CRISPLD2: variants seen among roughly 807,000 people sequenced by gnomAD.
CRISPLD2 encodes cysteine-rich secretory protein LCCL domain-containing 2.
A neutral mutation model predicts 71.1 loss-of-function variants in CRISPLD2; 47 were observed. The observed-to-expected ratio is 0.66, with a 90% CI of 0.52 to 0.84. CRISPLD2 has a LOEUF of 0.84. Ranked by LOEUF, CRISPLD2 falls within the 40% of genes least tolerant of loss-of-function variation. The pLI is 0.00. For synonymous variants in CRISPLD2, 317 were observed against 250.1 expected, an observed-to-expected ratio of 1.27 and a Z score of -2.52; for missense variants, 830 against 651.1, an observed-to-expected ratio of 1.27 and a Z score of -2.99.
At chr16:84,855,356 C>G (rs1468107156) in intron 6 of CRISPLD2, among the ~76,000 whole-genome samples, 1 of 152,134 alleles carries the variant, frequency 6.6e-6, no homozygotes, top group Non-Finnish European at 1.5e-5. Context: ...AGGCCATCTG[C>G]AAGTTGAGGA....
At chr16:84,835,737 C>G (rs1916602714) in intron 1 of CRISPLD2, among the ~76,000 whole-genome samples, 2 of 152,258 alleles carry the variant, frequency 1.3e-5, no homozygotes, top group African/African-American at 2.4e-5. Flanking sequence ...GACTTCATAA[C>G]TTCTCTTTGG....
At chr16:84,865,165 T>TC (rs946699713) in intron 6 of CRISPLD2, among the ~76,000 whole-genome samples, 71 of 150,176 alleles carry the variant, frequency 4.7e-4, no homozygotes, top group African/African-American at 1.5e-3. Context: ...GATTTTTTTT[T>TC]TTTTTTTTGA....
At chr16:84,836,018 G>A (rs565723540) in intron 1 of CRISPLD2, among the ~76,000 whole-genome samples, 5 of 152,274 alleles carry the variant, frequency 3.3e-5, no homozygotes, top group East Asian at 3.9e-4. Context: ...CTGAAGCCAC[G>A]TGTGGAAAAT....
At position 84,906,656 on chromosome 16, in the gene CRISPLD2, G is replaced by A. The variant is rs879115641; in HGVS notation, c.*14G>A. On this transcript the variant is annotated 3_prime_UTR_variant, in exon 15 of 15. Transcript: ENST00000262424. ...GTCAGGCAGTGAATTTCCAGCACCA[G>A]GGGAGAAGGGGCGTCTTCAGGAGGG... 1.2e-6 allele frequency: 2 copies of A among 1,613,992 alleles called. No homozygotes were observed. Among genetic ancestry groups the A allele is most frequent in the Non-Finnish European group, 1.7e-6 (2 of 1,179,984 alleles).
intron 5 of CRISPLD2, among the ~76,000 whole-genome samples, chr16:84,851,149 C>T (rs1917078715): frequency 6.6e-6 from 1 of 152,156 alleles, no homozygotes; most frequent in Non-Finnish European, 1.5e-5. Context: ...CATGGTCTGC[C>T]CTGGCAGTAT....
At chr16:84,844,658 G>A (rs1024255157) in intron 2 of CRISPLD2, among the ~76,000 whole-genome samples, 3 of 151,978 alleles carry the variant, frequency 2.0e-5, no homozygotes, top group Admixed American at 1.3e-4. Flanking sequence ...CCACTGCTCC[G>A]GGCCCATCTC....
chr16:84,835,600 C>T (rs4782670), intron 1 of CRISPLD2, among the ~76,000 whole-genome samples: 13,153 of 152,252 alleles, frequency 0.086, 712 homozygotes, highest in Middle Eastern at 0.14. Flanking sequence ...AGGCTGGTGG[C>T]TTTTGTGGTG....
intron 6 of CRISPLD2, among the ~76,000 whole-genome samples, chr16:84,860,775 G>A (rs1384676018): frequency 1.3e-5 from 2 of 152,214 alleles, no homozygotes; most frequent in African/African-American, 2.4e-5. Flanking sequence ...CGAGGTGTCT[G>A]TGCATGCACC....
At chr16:84,897,541 C>G (rs928751689) in intron 14 of CRISPLD2, among the ~76,000 whole-genome samples, 1 of 152,212 alleles carries the variant, frequency 6.6e-6, no homozygotes, top group East Asian at 1.9e-4. Context: ...GAAACAACCT[C>G]TGTAAACATT....
At chr16:84,881,069 A>T (rs532704407) in intron 13 of CRISPLD2, among the ~76,000 whole-genome samples, 1 of 152,116 alleles carries the variant, frequency 6.6e-6, no homozygotes, top group African/African-American at 2.4e-5. Context: ...CCATTTCTAG[A>T]GATAGTAGTG....
chr16:84,822,988 G>T (rs779802772), intron 1 of CRISPLD2, among the ~76,000 whole-genome samples: 19 of 152,062 alleles, frequency 1.2e-4, no homozygotes, highest in Non-Finnish European at 2.1e-4. Flanking sequence ...TCATCATCTC[G>T]TAAGGAAACC....
At chr16:84,826,056 TG>T (rs1916344281) in intron 1 of CRISPLD2, among the ~76,000 whole-genome samples, 1 of 151,658 alleles carries the variant, frequency 6.6e-6, no homozygotes, top group Admixed American at 6.6e-5. Context: ...AGCTGTGGGG[TG>T]GGGCTGGCAG....
At chr16:84,880,103 C>G (rs2071555348) in intron 12 of CRISPLD2, among the ~76,000 whole-genome samples, 1 of 152,322 alleles carries the variant, frequency 6.6e-6, no homozygotes, top group African/African-American at 2.4e-5. Flanking sequence ...CTTTCCTCCT[C>G]CACACAGGGA....
intron 12 of CRISPLD2, among the ~76,000 whole-genome samples, chr16:84,879,336 G>C (rs552996745): frequency 6.6e-6 from 1 of 151,588 alleles, no homozygotes; most frequent in East Asian, 1.9e-4. Flanking sequence ...AAAGAATGGA[G>C]ACTGTTCTTA....
At chr16:84,845,603 G>C (rs567498778) in intron 2 of CRISPLD2, among the ~76,000 whole-genome samples, 183 bp from the exon 3 acceptor site, 48 of 152,386 alleles carry the variant, frequency 3.1e-4, no homozygotes, top group African/African-American at 1.1e-3. Context: ...CCTGAGGATA[G>C]GCTTGGAGCC....
chr16:84,906,307 G>C (rs1278926064), intron 14 of CRISPLD2, among the ~76,000 whole-genome samples: 1 of 152,084 alleles, frequency 6.6e-6, no homozygotes, highest in Non-Finnish European at 1.5e-5. Flanking sequence ...GTCCAATCCA[G>C]ACAGACTGGG....
intron 12 of CRISPLD2, among the ~76,000 whole-genome samples, chr16:84,877,922 G>A (rs1337666925): frequency 2.7e-5 from 4 of 150,854 alleles, no homozygotes; most frequent in South Asian, 2.1e-4. Flanking sequence ...AGAAGTAAAC[G>A]ATGTGTGGCC....
intron 11 of CRISPLD2, among the ~76,000 whole-genome samples, chr16:84,874,595 C>G (rs1485421470): frequency 6.6e-6 from 1 of 152,172 alleles, no homozygotes; most frequent in Non-Finnish European, 1.5e-5. Flanking sequence ...GCTTCCTCCC[C>G]GGAGCTCTGC....
intron 3 of CRISPLD2, among the ~76,000 whole-genome samples, chr16:84,848,499 C>T (rs1018112595): frequency 6.7e-6 from 1 of 150,362 alleles, no homozygotes; most frequent in African/African-American, 2.4e-5. Flanking sequence ...GCAGCCAAGG[C>T]TGAAGCAAGG....
Sources: allele counts gnomAD v4.1 joint callset (sites outside exome capture counted in the v4.1 genomes callset), GRCh38; gene constraint gnomAD v4.1.1; transcripts MANE v1.5; gene names NCBI Gene and HGNC (gene_info 2026-07-23, HGNC 2026-07-21).